Variants in CNTN5 observed in about 807,000 individuals in gnomAD.
The protein encoded by CNTN5 is contactin 5.
In CNTN5, 77 loss-of-function variants were observed where a neutral mutation model predicts 129.1. That is an observed-to-expected ratio of 0.60 (90% CI 0.50 to 0.72). CNTN5 has a LOEUF of 0.72. CNTN5 is among the 30% of genes least tolerant of loss of function. The pLI, the probability that CNTN5 is intolerant of heterozygous loss-of-function variation, is 0.00. For missense variants in CNTN5, 1,478 were observed against 1,328.8 expected, an observed-to-expected ratio of 1.11 and a Z score of -1.75; for synonymous variants, 509 against 465.6, an observed-to-expected ratio of 1.09 and a Z score of -1.20.
intron 3 of CNTN5, among the ~76,000 whole-genome samples, chr11:99,642,313 G>A (rs1292130887): frequency 1.3e-5 from 2 of 152,112 alleles, no homozygotes; most frequent in Non-Finnish European, 2.9e-5. Flanking sequence ...TTGGTTTTAT[G>A]AAGTAAAAAA....
chr11:99,305,826 C>G (rs1251750904), intron 1 of CNTN5, among the ~76,000 whole-genome samples: 1 of 151,536 alleles, frequency 6.6e-6, no homozygotes, highest in Non-Finnish European at 1.5e-5. Context: ...ACTAAAAATA[C>G]AAAAATTAGC....
chr11:99,706,822 G>T (rs1174910283), intron 3 of CNTN5, among the ~76,000 whole-genome samples: 1 of 146,034 alleles, frequency 6.8e-6, no homozygotes, highest in East Asian at 2.0e-4. Flanking sequence ...ATCAAATGTT[G>T]ATTTATTTGT....
intron 13 of CNTN5, among the ~76,000 whole-genome samples, chr11:100,161,812 G>A (rs1947455820): frequency 1.5e-5 from 2 of 133,230 alleles, no homozygotes; most frequent in Non-Finnish European, 3.1e-5. Flanking sequence ...TCCTCTCAAG[G>A]ATAGCCCTGG....
chr11:99,797,977 G>A (rs751643572), intron 3 of CNTN5, among the ~76,000 whole-genome samples: 11 of 151,784 alleles, frequency 7.2e-5, no homozygotes, highest in South Asian at 2.1e-4. Context: ...TTTATTTTAC[G>A]TTCAAGGATA....
intron 7 of CNTN5, among the ~76,000 whole-genome samples, chr11:99,923,294 G>A (rs1230062439): frequency 1.3e-5 from 2 of 152,066 alleles, no homozygotes; most frequent in African/African-American, 4.8e-5. Flanking sequence ...TATTTAAAAT[G>A]TTAAGCACAC....
At chr11:100,150,929 T>A (rs1035320385) in intron 13 of CNTN5, among the ~76,000 whole-genome samples, 1 of 151,978 alleles carries the variant, frequency 6.6e-6, no homozygotes, top group African/African-American at 2.4e-5. Flanking sequence ...CATGAAGGAA[T>A]TAGTGAGCTT....
At chr11:100,126,551 TA>T (rs71465310) in intron 13 of CNTN5, among the ~76,000 whole-genome samples, 24,934 of 151,948 alleles carry the variant, frequency 0.16, 2,497 homozygotes, top group Middle Eastern at 0.32. Context: ...GTCTTTTTTT[TA>T]AAATCGTTAT....
chr11:100,078,342 AT>A (rs1161369987), intron 13 of CNTN5, among the ~76,000 whole-genome samples: 1 of 152,188 alleles, frequency 6.6e-6, no homozygotes, highest in Admixed American at 6.6e-5. Context: ...CTGCCTGCTT[AT>A]ATATTACCAA....
intron 1 of CNTN5, among the ~76,000 whole-genome samples, chr11:99,042,948 C>G (rs970451193): frequency 1.3e-5 from 2 of 148,550 alleles, no homozygotes; most frequent in Non-Finnish European, 2.9e-5. Flanking sequence ...TTCTCAAGAT[C>G]TATAGCTCTC....
intron 3 of CNTN5, among the ~76,000 whole-genome samples, chr11:99,687,774 C>T (rs184097672): frequency 1.3e-5 from 2 of 152,232 alleles, no homozygotes; most frequent in South Asian, 2.1e-4. Context: ...CAGTTACTTG[C>T]AAAAGTCTTG....
At chr11:99,166,846 G>T (rs1860899087) in intron 1 of CNTN5, among the ~76,000 whole-genome samples, 1 of 80,174 alleles carries the variant, frequency 1.2e-5, no homozygotes, top group Admixed American at 1.6e-4. Context: ...ATATTTCGTT[G>T]AATTACATTT....
Position 100,341,107 on chromosome 11 carries a change from C to A in CNTN5, c.2932C>A (p.Pro978Thr). Residue 978 changes from proline (P) to threonine (T), a missense_variant, in exon 23 of 25, where the codon CCT becomes ACT. Coordinates refer to ENST00000524871, the MANE Select transcript of CNTN5 (RefSeq NM_014361.4). ...TTATTTTGCAGCTCCTAGTCAAGCA[C>A]CTAGCAACCTCAGGTGGGAGCAGCA... ...TTKKSPPSQA[P>T]SNLRWEQQGS... The A allele has an allele frequency of 6.2e-7, 1 of 1,613,460 alleles. No homozygotes were observed. The highest frequency in any genetic ancestry group is 8.5e-7 in the Non-Finnish European group (1 of 1,179,438).
At chr11:100,295,950 C>A (rs567335984) in intron 18 of CNTN5, among the ~76,000 whole-genome samples, 1 of 151,162 alleles carries the variant, frequency 6.6e-6, no homozygotes, top group South Asian at 2.1e-4. Context: ...TTTAAAAAAA[C>A]AAAAATACTA....
intron 3 of CNTN5, among the ~76,000 whole-genome samples, chr11:99,703,011 G>T (rs753531416): frequency 6.6e-6 from 1 of 150,930 alleles, no homozygotes; most frequent in Middle Eastern, 3.4e-3. Flanking sequence ...AACGTCGCAT[G>T]AAGATGTATA....
intron 3 of CNTN5, among the ~76,000 whole-genome samples, chr11:99,673,948 T>A (rs1179733645): frequency 6.6e-6 from 1 of 152,152 alleles, no homozygotes; most frequent in African/African-American, 2.4e-5. Context: ...AATAGAACAA[T>A]TTATATTCCT....
intron 3 of CNTN5, among the ~76,000 whole-genome samples, chr11:99,572,987 G>C (rs1396399681): frequency 3.3e-5 from 5 of 152,116 alleles, no homozygotes; most frequent in Non-Finnish European, 7.3e-5. Flanking sequence ...AGACTAAAAA[G>C]AAGGGGACTA....
chr11:99,964,916 C>T (rs965361837), intron 8 of CNTN5, among the ~76,000 whole-genome samples: 5 of 152,138 alleles, frequency 3.3e-5, no homozygotes, highest in Non-Finnish European at 7.3e-5. Context: ...GGAATTTATC[C>T]ATTTCTTCTA....
chr11:99,251,262 T>A (rs1426570007), intron 1 of CNTN5, among the ~76,000 whole-genome samples: 1 of 151,924 alleles, frequency 6.6e-6, no homozygotes, highest in Admixed American at 6.6e-5. Flanking sequence ...TATAAATAAT[T>A]TACTATAAGA....
chr11:99,173,035 G>C (rs141564107), intron 1 of CNTN5, among the ~76,000 whole-genome samples: 1 of 152,292 alleles, frequency 6.6e-6, no homozygotes, highest in East Asian at 1.9e-4. Flanking sequence ...CAAAGAGAGA[G>C]CTTATGCAGG....
Sources: allele counts gnomAD v4.1 joint callset (sites outside exome capture counted in the v4.1 genomes callset), GRCh38; gene constraint gnomAD v4.1.1; transcripts MANE v1.5; gene names NCBI Gene and HGNC (gene_info 2026-07-23, HGNC 2026-07-21).